Variants in SMG6 observed in about 807,000 individuals in gnomAD.
The protein encoded by SMG6 is telomerase-binding protein EST1A.
Under a neutral mutation model 142.2 loss-of-function variants are expected in SMG6, and 66 were observed. The ratio of observed to expected loss-of-function variants is 0.46; its 90% confidence interval spans 0.38 to 0.57. The LOEUF is 0.57. Ranked by LOEUF, SMG6 falls within the 20% of genes least tolerant of loss-of-function variation. The pLI, the probability that SMG6 is intolerant of heterozygous loss-of-function variation, is 0.00. For synonymous variants in SMG6, 779 were observed against 702.4 expected (o/e 1.11, Z -1.72); for missense variants, 1,793 against 1,832.0 (o/e 0.98, Z 0.39).
At chr17:2,209,910 A>G (rs1206396341) in intron 10 of SMG6, among the ~76,000 whole-genome samples, 1 of 152,186 alleles carries the variant, frequency 6.6e-6, no homozygotes, top group Non-Finnish European at 1.5e-5. Context: ...TCAGAGAGGC[A>G]AGCAATACAC....
At chr17:2,115,997 G>A (rs1029893865) in intron 13 of SMG6, among the ~76,000 whole-genome samples, 8 of 152,180 alleles carry the variant, frequency 5.3e-5, no homozygotes, top group Non-Finnish European at 1.5e-5. Context: ...GTGAGTCACT[G>A]TGCCTGGCCA....
chr17:2,143,261 C>T (rs529106996), intron 13 of SMG6, among the ~76,000 whole-genome samples: 1 of 152,192 alleles, frequency 6.6e-6, no homozygotes, highest in East Asian at 1.9e-4. Context: ...CATATGTCCA[C>T]ATAAAAACTC....
At chr17:2,166,484 GTCTTGCTCT>G (rs1195466517) in intron 13 of SMG6, among the ~76,000 whole-genome samples, 15 of 152,268 alleles carry the variant, frequency 9.9e-5, no homozygotes, top group Admixed American at 2.6e-4. Flanking sequence ...TAAAGACAAG[GTCTTGCTCT>G]GTCCCTCGGG....
intron 13 of SMG6, among the ~76,000 whole-genome samples, chr17:2,132,988 T>C (rs2070173159): frequency 6.6e-6 from 1 of 152,204 alleles, no homozygotes; most frequent in Admixed American, 6.5e-5. Context: ...CACCATGTTG[T>C]AATCCCAGCA....
At chr17:2,070,816 G>A (rs2068079671) in intron 15 of SMG6, among the ~76,000 whole-genome samples, 1 of 152,136 alleles carries the variant, frequency 6.6e-6, no homozygotes, top group Non-Finnish European at 1.5e-5. Context: ...ATGGGAGGCG[G>A]GGTCACTGAC....
At chr17:2,086,966 T>C (rs919108556) in intron 13 of SMG6, 5 of 1,272,812 alleles carry the variant, frequency 3.9e-6, no homozygotes, top group Admixed American at 4.7e-5. Flanking sequence ...GGCCCCTTCA[T>C]CCTCACTGAC....
rs1361006949 is a variant in SMG6, at chr17:2,060,503, T to A, written c.*989A>T. 6.6e-6 allele frequency: 1 copy of A among 151,908 alleles called. No individual in the cohort carries two copies. The highest frequency in any genetic ancestry group is 3.1e-3 in the Middle Eastern group (1 of 318). The allele number at this position is 151,908 out of a possible 1,614,324, so 9.4% of individuals were successfully genotyped here. A position where few individuals can be genotyped will look rare whatever the true frequency, so the allele number is the denominator to read the frequency against. On this transcript the variant is annotated 3_prime_UTR_variant, in exon 19 of 19. Transcript: ENST00000263073. The stretch of plus-strand genomic sequence containing the variant: ...TGTACTAGGTTCCTGCCATGGGTAG[T>A]AGAGAGGGAAAGTTCAGAGTGAGAA...
intron 10 of SMG6, among the ~76,000 whole-genome samples, chr17:2,197,885 T>C (rs1327763197): frequency 6.6e-6 from 1 of 152,220 alleles, no homozygotes; most frequent in African/African-American, 2.4e-5. Context: ...GCTGATGGAA[T>C]GTAAAATGGT....
At chr17:2,244,258 T>C (rs908232798) in intron 9 of SMG6, among the ~76,000 whole-genome samples, 1 of 152,166 alleles carries the variant, frequency 6.6e-6, no homozygotes, top group African/African-American at 2.4e-5. Flanking sequence ...TTATTTTTGA[T>C]GGAAAAGTAG....
intron 13 of SMG6, chr17:2,088,036 T>G: frequency 1.0e-6 from 1 of 985,504 alleles, no homozygotes; most frequent in South Asian, 4.7e-5. Flanking sequence ...AGAGGGGAGC[T>G]AAGGAGTGAG....
chr17:2,228,145 C>T (rs917532832), intron 10 of SMG6, among the ~76,000 whole-genome samples: 13 of 152,196 alleles, frequency 8.5e-5, no homozygotes, highest in Admixed American at 2.0e-4. Flanking sequence ...CTCACTATAA[C>T]CTCCACCTCC....
chr17:2,074,781 C>T (rs1381601646), intron 15 of SMG6, among the ~76,000 whole-genome samples: 3 of 152,170 alleles, frequency 2.0e-5, no homozygotes, highest in Admixed American at 6.5e-5. Context: ...TAAAGATAAT[C>T]GGATTGAATT....
chr17:2,108,805 A>G (rs1213221090), intron 13 of SMG6, among the ~76,000 whole-genome samples: 1 of 151,978 alleles, frequency 6.6e-6, no homozygotes, highest in Non-Finnish European at 1.5e-5. Flanking sequence ...TTAGTCGCGC[A>G]TGGTGGCGGG....
At chr17:2,193,565 C>A (rs908451710) in intron 10 of SMG6, among the ~76,000 whole-genome samples, 3 of 152,126 alleles carry the variant, frequency 2.0e-5, no homozygotes, top group African/African-American at 7.2e-5. Context: ...CAAAGGAAAT[C>A]CCAATCTTCT....
chr17:2,154,486 C>G (rs1196436884), intron 13 of SMG6, among the ~76,000 whole-genome samples: 1 of 152,176 alleles, frequency 6.6e-6, no homozygotes, highest in Non-Finnish European at 1.5e-5. Context: ...TCAACTTTTT[C>G]CTTGTTGTAG....
intron 13 of SMG6, among the ~76,000 whole-genome samples, chr17:2,139,451 TCACTCTGTCACCCAG>T (rs2070406363): frequency 7.1e-6 from 1 of 139,954 alleles, no homozygotes; most frequent in African/African-American, 2.7e-5. Flanking sequence ...AGATGGAGTC[TCACTCTGTCACCCAG>T]GCTGGAGTGC....
At chr17:2,291,612 A>C (rs2075038853) in intron 6 of SMG6, among the ~76,000 whole-genome samples, 1 of 151,660 alleles carries the variant, frequency 6.6e-6, no homozygotes, top group Non-Finnish European at 1.5e-5. Context: ...TCAATCCATA[A>C]TTATTAAGAA....
chr17:2,150,192 T>C (rs141782750), intron 13 of SMG6, among the ~76,000 whole-genome samples: 2 of 152,300 alleles, frequency 1.3e-5, no homozygotes, highest in Non-Finnish European at 2.9e-5. Flanking sequence ...GCGCGAACCC[T>C]ATTGTGAACC....
At chr17:2,278,176 A>G (rs1341370005) in intron 8 of SMG6, among the ~76,000 whole-genome samples, 1 of 152,040 alleles carries the variant, frequency 6.6e-6, no homozygotes, top group Non-Finnish European at 1.5e-5. Flanking sequence ...CGAAGGAAAG[A>G]ATACAAGTGA....
Sources: allele counts gnomAD v4.1 joint callset (sites outside exome capture counted in the v4.1 genomes callset), GRCh38; gene constraint gnomAD v4.1.1; transcripts MANE v1.5; gene names NCBI Gene and HGNC (gene_info 2026-07-23, HGNC 2026-07-21).